Variants in CSMD1 observed in about 807,000 individuals in gnomAD.
CSMD1 encodes CUB and Sushi multiple domains 1.
CSMD1 carries 213 observed loss-of-function variants against 417.5 expected under a neutral mutation model. The observed-to-expected ratio is 0.51, with a 90% CI of 0.46 to 0.57. The LOEUF (loss-of-function observed/expected upper bound fraction) is 0.57, where lower values mean the gene tolerates loss of function less well. CSMD1 is among the 20% of genes least tolerant of loss of function. CSMD1 has a pLI of 0.00. For synonymous variants in CSMD1, 2,862 were observed against 1,736.8 expected, an observed-to-expected ratio of 1.65 and a Z score of -16.11; for missense variants, 6,923 against 4,529.7, an observed-to-expected ratio of 1.53 and a Z score of -15.17.
At chr8:3,625,116 C>A (rs886756217) in intron 7 of CSMD1, among the ~76,000 whole-genome samples, 15 of 151,750 alleles carry the variant, frequency 9.9e-5, no homozygotes, top group African/African-American at 3.4e-4. Context: ...TTTGTACAGT[C>A]TCTAGCAGTA....
intron 3 of CSMD1, among the ~76,000 whole-genome samples, chr8:4,039,809 G>T (rs1449402290): frequency 6.6e-6 from 1 of 152,212 alleles, no homozygotes; most frequent in Non-Finnish European, 1.5e-5. Flanking sequence ...GGGAGTTACA[G>T]TCATCAGATC....
At chr8:3,401,838 T>A (rs947944855) in intron 15 of CSMD1, among the ~76,000 whole-genome samples, 1 of 152,164 alleles carries the variant, frequency 6.6e-6, no homozygotes, top group African/African-American at 2.4e-5. Flanking sequence ...TTCCACCTGA[T>A]GGAGACCAAA....
intron 25 of CSMD1, among the ~76,000 whole-genome samples, chr8:3,285,370 G>A (rs184192515): frequency 2.7e-5 from 4 of 149,190 alleles, no homozygotes; most frequent in Non-Finnish European, 5.9e-5. Context: ...CCTACATTTT[G>A]CCCTATTTTT....
intron 4 of CSMD1, among the ~76,000 whole-genome samples, chr8:4,018,027 G>T (rs976793889): frequency 9.2e-5 from 14 of 152,058 alleles, no homozygotes; most frequent in African/African-American, 3.1e-4. Flanking sequence ...ACTCGTAACT[G>T]TCATACCCAT....
At chr8:4,078,094 G>A (rs1799928428) in intron 3 of CSMD1, among the ~76,000 whole-genome samples, 2 of 152,096 alleles carry the variant, frequency 1.3e-5, no homozygotes, top group South Asian at 2.1e-4. Flanking sequence ...GCCAAAGAGA[G>A]AAATCTTCAA....
At chr8:3,131,039 C>T (rs576542093) in intron 41 of CSMD1, among the ~76,000 whole-genome samples, 18 of 152,304 alleles carry the variant, frequency 1.2e-4, no homozygotes, top group African/African-American at 4.3e-4. Context: ...CTGTTTTAAT[C>T]TGAACTACTT....
chr8:4,016,297 T>A (rs990713974), intron 4 of CSMD1, among the ~76,000 whole-genome samples: 1 of 151,984 alleles, frequency 6.6e-6, no homozygotes, highest in Non-Finnish European at 1.5e-5. Flanking sequence ...TAGATGGAAA[T>A]AGAAAATAAA....
chr8:3,120,708 G>GGT (rs1554431383), intron 41 of CSMD1, among the ~76,000 whole-genome samples: 2 of 151,656 alleles, frequency 1.3e-5, no homozygotes, highest in East Asian at 3.9e-4. Flanking sequence ...TTAGCCAGGG[G>GGT]GGGTGACCGG....
chr8:4,826,741 G>A (rs1585167842), intron 1 of CSMD1, among the ~76,000 whole-genome samples: 2 of 152,186 alleles, frequency 1.3e-5, no homozygotes, highest in South Asian at 2.1e-4. Flanking sequence ...TAACCCAATG[G>A]AGAGACAGTT....
At chr8:3,914,555 T>C (rs1584956168) in intron 5 of CSMD1, among the ~76,000 whole-genome samples, 1 of 152,204 alleles carries the variant, frequency 6.6e-6, no homozygotes, top group Non-Finnish European at 1.5e-5. Flanking sequence ...GTTTCCACTG[T>C]TGAAATGGCA....
intron 2 of CSMD1, among the ~76,000 whole-genome samples, chr8:4,549,866 C>T (rs572390360): frequency 5.4e-4 from 67 of 124,680 alleles, no homozygotes; most frequent in Admixed American, 2.2e-3. Flanking sequence ...CACTGCACTC[C>T]AGCCAGAGTG....
intron 17 of CSMD1, among the ~76,000 whole-genome samples, chr8:3,395,008 G>C (rs1006166853): frequency 6.6e-6 from 1 of 152,130 alleles, no homozygotes; most frequent in Non-Finnish European, 1.5e-5. Context: ...TAAAACCGAG[G>C]AATGCACATA....
At chr8:3,815,162 G>T (rs1801303715) in intron 5 of CSMD1, among the ~76,000 whole-genome samples, 1 of 152,158 alleles carries the variant, frequency 6.6e-6, no homozygotes, top group Admixed American at 6.5e-5. Context: ...AGGGTGAGAA[G>T]CTGTTAAGTT....
intron 41 of CSMD1, among the ~76,000 whole-genome samples, chr8:3,125,978 A>AAAAAAG (rs1162979201): frequency 2.6e-5 from 4 of 152,298 alleles, no homozygotes; most frequent in Admixed American, 2.6e-4. Context: ...CTCCACCTCA[A>AAAAAAG]AAAAAGAAAA....
rs189412213 is a variant in CSMD1, at chr8:3,959,583, C to G, written c.818+38320G>C. ...TCCCATAGTTTTTGTCTCTTTTAAT[C>G]TAAAAATAATTTGACCAAATGCTCC... On this transcript the variant is annotated intron_variant, in intron 5 of 69. Coordinates refer to ENST00000635120, the MANE Select transcript of CSMD1 (RefSeq NM_033225.6). 3.9e-5 allele frequency among the ~76,000 whole-genome samples: 6 copies of G among 152,194 alleles called. No individual in the cohort carries two copies. The East Asian group carries it at 9.6e-4, about 24-fold the overall frequency.
At chr8:3,129,711 G>A (rs565550997) in intron 41 of CSMD1, among the ~76,000 whole-genome samples, 4 of 152,026 alleles carry the variant, frequency 2.6e-5, no homozygotes, top group Non-Finnish European at 4.4e-5. Flanking sequence ...GAGCTGGGCC[G>A]GGCGGGGTGG....
At chr8:4,586,010 A>G (rs1325767104) in intron 2 of CSMD1, among the ~76,000 whole-genome samples, 1 of 152,198 alleles carries the variant, frequency 6.6e-6, no homozygotes, top group East Asian at 1.9e-4. Context: ...TATTTTCATC[A>G]TTACCTTTTT....
chr8:3,293,324 G>T (rs1375920390), intron 25 of CSMD1, among the ~76,000 whole-genome samples: 4 of 152,042 alleles, frequency 2.6e-5, no homozygotes, highest in Admixed American at 6.6e-5. Context: ...TCTTCTCGAG[G>T]AGTATCTTTG....
chr8:4,437,637 C>A (rs563100444), intron 2 of CSMD1, among the ~76,000 whole-genome samples: 10 of 152,240 alleles, frequency 6.6e-5, no homozygotes, highest in Non-Finnish European at 4.4e-5. Context: ...TTTCCAGATC[C>A]CAGAGTCACA....
Sources: allele counts gnomAD v4.1 joint callset (sites outside exome capture counted in the v4.1 genomes callset), GRCh38; gene constraint gnomAD v4.1.1; transcripts MANE v1.5; gene names NCBI Gene and HGNC (gene_info 2026-07-23, HGNC 2026-07-21).